Variants in GPR158 observed in about 807,000 individuals in gnomAD.
GPR158 encodes G protein-coupled receptor 158, also known as metabotropic glycine receptor.
In GPR158, 30 loss-of-function variants were observed where a neutral mutation model predicts 78.2. That is an observed-to-expected ratio of 0.38 (90% CI 0.29 to 0.52). GPR158 has a LOEUF of 0.52. Among genes scored for constraint, GPR158 ranks in the 20% least tolerant of loss-of-function variants. The pLI, the probability that GPR158 is intolerant of heterozygous loss-of-function variation, is 0.83. For synonymous variants in GPR158, 581 were observed against 591.1 expected (o/e 0.98, Z 0.25); for missense variants, 1,463 against 1,523.5 (o/e 0.96, Z 0.66).
At chr10:25,577,083 C>T (rs1588920583) in intron 7 of GPR158, among the ~76,000 whole-genome samples, 1 of 152,014 alleles carries the variant, frequency 6.6e-6, no homozygotes, top group South Asian at 2.1e-4. Flanking sequence ...TCACACTATC[C>T]TAATAAAAGT....
At chr10:25,296,261 A>G (rs1854512361) in intron 2 of GPR158, among the ~76,000 whole-genome samples, 1 of 151,774 alleles carries the variant, frequency 6.6e-6, no homozygotes, top group South Asian at 2.1e-4. Context: ...GGGTGAGGCA[A>G]CTCTCCTTCA....
At chr10:25,343,056 G>T (rs1855326321) in intron 2 of GPR158, among the ~76,000 whole-genome samples, 1 of 151,928 alleles carries the variant, frequency 6.6e-6, no homozygotes, top group African/African-American at 2.4e-5. Flanking sequence ...AGACTGATTA[G>T]ATTATGAGCA....
chr10:25,343,278 G>C (rs476972), intron 2 of GPR158, among the ~76,000 whole-genome samples: 99,374 of 151,730 alleles, frequency 0.65, 34,644 homozygotes, highest in Non-Finnish European at 0.8. Context: ...ACTTTAATAG[G>C]AGGAGGAAGA....
intron 6 of GPR158, among the ~76,000 whole-genome samples, chr10:25,557,710 GAAGT>G (rs1393609291): frequency 2.0e-5 from 3 of 152,224 alleles, no homozygotes; most frequent in Non-Finnish European, 2.9e-5. Context: ...TCTACTCATA[GAAGT>G]AAGAGATTTG....
intron 2 of GPR158, among the ~76,000 whole-genome samples, chr10:25,392,014 C>T (rs1834305542): frequency 6.6e-6 from 1 of 152,116 alleles, no homozygotes; most frequent in Non-Finnish European, 1.5e-5. Flanking sequence ...CACACGTTCT[C>T]CTGCTTGCTG....
At chr10:25,452,418 A>G (rs541143919) in intron 4 of GPR158, among the ~76,000 whole-genome samples, 22 of 152,358 alleles carry the variant, frequency 1.4e-4, no homozygotes, top group African/African-American at 5.3e-4. Context: ...TAGCCAAAAA[A>G]GAAACAGAAA....
intron 6 of GPR158, among the ~76,000 whole-genome samples, chr10:25,556,534 G>A (rs937201788): frequency 6.6e-6 from 1 of 152,150 alleles, no homozygotes; most frequent in Non-Finnish European, 1.5e-5. Flanking sequence ...TTTACTGGCT[G>A]CCTACTCTGG....
At chr10:25,289,480 T>G (rs1160107322) in intron 2 of GPR158, among the ~76,000 whole-genome samples, 2 of 152,182 alleles carry the variant, frequency 1.3e-5, no homozygotes, top group Non-Finnish European at 2.9e-5. Context: ...TCACCCAGGC[T>G]GGAGTGCAGT....
At chr10:25,230,452 C>T (rs541909656) in intron 2 of GPR158, among the ~76,000 whole-genome samples, 1 of 152,202 alleles carries the variant, frequency 6.6e-6, no homozygotes, top group East Asian at 1.9e-4. Context: ...AGTTCTCATA[C>T]ATTAAAATGT....
chr10:25,555,092 G>GAGAA (rs1038074461), intron 6 of GPR158, among the ~76,000 whole-genome samples: 4 of 151,908 alleles, frequency 2.6e-5, no homozygotes, highest in Non-Finnish European at 5.9e-5. Flanking sequence ...AAGAAGGAAG[G>GAGAA]AGAAAGAAAG....
At chr10:25,376,160 AT>A (rs1588834034) in intron 2 of GPR158, among the ~76,000 whole-genome samples, 2 of 151,416 alleles carry the variant, frequency 1.3e-5, no homozygotes. Context: ...TGTGATTTTA[AT>A]TTTGGATGAT....
intron 2 of GPR158, among the ~76,000 whole-genome samples, chr10:25,287,834 G>A (rs1171061840): frequency 6.6e-6 from 1 of 151,990 alleles, no homozygotes; most frequent in Admixed American, 6.6e-5. Flanking sequence ...TATTGAGGTT[G>A]GAAGCAATGC....
intron 5 of GPR158, among the ~76,000 whole-genome samples, chr10:25,528,618 G>A (rs917304280): frequency 6.6e-6 from 1 of 152,094 alleles, no homozygotes; most frequent in Non-Finnish European, 1.5e-5. Context: ...CTAGAATATA[G>A]TGTTAAGAGA....
In GPR158 at chr10:25,330,064, G is replaced by A. The variant is rs139313808; in HGVS notation, c.1009-65847G>A. On this transcript the variant is annotated intron_variant, in intron 2 of 10. Coordinates refer to ENST00000376351, the MANE Select transcript of GPR158 (RefSeq NM_020752.3). The stretch of plus-strand genomic sequence containing the variant: ...GTTTTAGGGTACATGTGCACATTGT[G>A]CAGGTTAGTTACATATGTATACATG... Among the ~76,000 whole-genome samples the A allele has an allele frequency of 6.7e-3, 999 of 150,166 alleles. 11 individuals carry two copies. Among genetic ancestry groups the A allele is most frequent in the African/African-American group, 0.023 (950 of 40,930 alleles).
chr10:25,599,507 C>A lies in GPR158; in HGVS notation c.*233C>A. On this transcript the variant is annotated 3_prime_UTR_variant, in exon 11 of 11. Coordinates refer to ENST00000376351, the MANE Select transcript of GPR158 (RefSeq NM_020752.3). ...CTTCCCTTGGTAACACTAGGAAAAT[C>A]TTTCCATTTCAGCATGTTTAAGGAA... 1 of 507,252 alleles carries A rather than the reference C, an allele frequency of 2.0e-6. No individual in the cohort carries two copies. Among genetic ancestry groups the A allele is most frequent in the Admixed American group, 3.5e-5 (1 of 28,266 alleles). The allele number at this position is 507,252 out of a possible 1,614,324, so 31.4% of individuals were successfully genotyped here. A position where few individuals can be genotyped will look rare whatever the true frequency, so the allele number is the denominator to read the frequency against.
At chr10:25,223,090 T>C (rs959649566) in intron 2 of GPR158, among the ~76,000 whole-genome samples, 9 of 152,200 alleles carry the variant, frequency 5.9e-5, no homozygotes, top group Non-Finnish European at 1.2e-4. Flanking sequence ...AGATAAAATA[T>C]CCTCTATTCT....
At chr10:25,413,157 C>CAAA (rs5783930) in intron 4 of GPR158, among the ~76,000 whole-genome samples, 1 of 150,468 alleles carries the variant, frequency 6.6e-6, no homozygotes, top group African/African-American at 2.4e-5. Flanking sequence ...CCTGTCTCTA[C>CAAA]AAAAAAAAAC....
intron 7 of GPR158, among the ~76,000 whole-genome samples, chr10:25,583,723 A>G (rs1837233031): frequency 6.6e-6 from 1 of 152,194 alleles, no homozygotes; most frequent in Non-Finnish European, 1.5e-5. Context: ...AGAAGAGGAC[A>G]TTAAAAGAGA....
At chr10:25,428,045 T>C (rs979448173) in intron 4 of GPR158, among the ~76,000 whole-genome samples, 15 of 152,184 alleles carry the variant, frequency 9.9e-5, no homozygotes, top group African/African-American at 3.6e-4. Flanking sequence ...AGTTGGAATA[T>C]ATAAATTATG....
Sources: allele counts gnomAD v4.1 joint callset (sites outside exome capture counted in the v4.1 genomes callset), GRCh38; gene constraint gnomAD v4.1.1; transcripts MANE v1.5; gene names NCBI Gene and HGNC (gene_info 2026-07-23, HGNC 2026-07-21).